RNF213: variants seen among roughly 807,000 people sequenced by gnomAD.
RNF213 encodes the protein E3 ubiquitin-protein ligase RNF213.
Under a neutral mutation model 514.4 loss-of-function variants are expected in RNF213, and 341 were observed. That is an observed-to-expected ratio of 0.66 (90% CI 0.61 to 0.73). RNF213 has a LOEUF of 0.73. RNF213 is among the 30% of genes least tolerant of loss of function. The pLI is 0.00. For missense variants in RNF213, 5,767 were observed against 6,615.6 expected (o/e 0.87, Z 4.45); for synonymous variants, 2,655 against 2,658.2 (o/e 1.00, Z 0.04).
At chr17:80,297,189 C>T (rs978927439) in intron 10 of RNF213, among the ~76,000 whole-genome samples, 17 of 151,936 alleles carry the variant, frequency 1.1e-4, no homozygotes, top group African/African-American at 3.6e-4. Flanking sequence ...CGGTGGCTCA[C>T]GCCTGTAATC....
chr17:80,264,863 C>T lies in RNF213; in HGVS notation c.97+1085C>T, dbSNP rs2043553430. On this transcript the variant is annotated intron_variant, in intron 2 of 67. Transcript: ENST00000582970. This position sits in a 1 kb window ranked among gnomAD's most constrained non-coding sequence, Gnocchi z 5.0. ...CTCTCCTGTCCCCAGAGCCCACCAC[C>T]TTCTGGCCCTTCCTGGATACACCAG... Among the ~76,000 whole-genome samples the T allele has an allele frequency of 6.6e-6, 1 of 152,100 alleles. No homozygotes were observed. The highest frequency in any genetic ancestry group is 2.4e-5 in the African/African-American group (1 of 41,422).
In RNF213 at chr17:80,347,974, C is replaced by A. The variant is rs573898137; in HGVS notation, c.9639C>A (p.Ser3213Arg). The change falls in exon 29 of 68, where the codon AGC becomes AGA. Residue 3213 changes from serine (S) to arginine (R), a missense_variant. Ser to Arg is a moderately radical substitution (Grantham distance 110). Transcript: ENST00000582970. The surrounding 1 kb of genome is among the most constrained non-coding windows in gnomAD (Gnocchi z 7.2). ...AHHFQKRHKY[S>R]PSDVFIGYHS... ...ATTTCCAGAAGAGGCACAAATACAG[C>A]CCCTCTGACGTCTTCATCGGCTACC... 2.5e-6 allele frequency: 4 copies of A among 1,614,068 alleles called. No individual in the cohort carries two copies. In the African/African-American group the frequency reaches 5.3e-5, roughly 22 times the overall value.
At chr17:80,333,215 A>AT (rs2046466096) in intron 21 of RNF213, among the ~76,000 whole-genome samples, 1 of 116,268 alleles carries the variant, frequency 8.6e-6, no homozygotes, top group African/African-American at 3.4e-5. Flanking sequence ...CGCCCGGCTA[A>AT]TTTTTTTGGT....
chr17:80,359,114 G>T (rs8072622), intron 37 of RNF213, among the ~76,000 whole-genome samples: 108,901 of 151,892 alleles, frequency 0.72, 39,651 homozygotes, highest in African/African-American at 0.82. Context: ...CTGGTGGAGC[G>T]GCACAGCCCC....
At chr17:80,329,972 G>T (rs2046370736) in intron 20 of RNF213, among the ~76,000 whole-genome samples, 1 of 152,062 alleles carries the variant, frequency 6.6e-6, no homozygotes, top group Non-Finnish European at 1.5e-5. Flanking sequence ...CTGTTAATTG[G>T]ATATGGGACC....
chr17:80,333,958 A>G, intron 21 of RNF213, 147 bp from the exon 22 acceptor site: 1 of 806,242 alleles, frequency 1.2e-6, no homozygotes, highest in Non-Finnish European at 2.0e-6. Flanking sequence ...ATTCAGGGGT[A>G]AGAGCTTGGT....
At chr17:80,375,551 A>G (rs1019323270) in intron 50 of RNF213, among the ~76,000 whole-genome samples, 3 of 151,158 alleles carry the variant, frequency 2.0e-5, no homozygotes, top group Non-Finnish European at 4.4e-5. Flanking sequence ...AGAAAAAAAA[A>G]AAGAATTAGC....
At position 80,360,130 on chromosome 17, in the gene RNF213, C is replaced by T. The variant is rs115067038; in HGVS notation, c.11124C>T (p.Asn3708=). Residue 3708 remains asparagine, a synonymous_variant, in exon 38 of 68, where the codon AAC becomes AAT. Coordinates refer to ENST00000582970, the MANE Select transcript of RNF213 (RefSeq NM_001256071.3). ...HMNLSENASN[N]VPFSWKIKDY... ...ACCTTTCCGAGAACGCTTCCAACAA[C>T]GTCCCTTTCAGCTGGAAAATCAAGG... 1.4e-3 allele frequency: 2,252 copies of T among 1,614,084 alleles called. 27 individuals carry two copies. In the African/African-American group the frequency reaches 0.026, roughly 19 times the overall value.
intron 52 of RNF213, 140 bp downstream of exon 52, chr17:80,376,683 G>T: frequency 7.7e-7 from 1 of 1,306,418 alleles, no homozygotes. Context: ...CCTGATTCTT[G>T]AGCACACAAG....
At position 80,389,164 on chromosome 17, in the gene RNF213, A is replaced by C; in HGVS notation, c.15001-9A>C. 1 of 1,613,702 alleles carries C rather than the reference A, an allele frequency of 6.2e-7. No individual in the cohort carries two copies. Among genetic ancestry groups the C allele is most frequent in the Non-Finnish European group, 8.5e-7 (1 of 1,179,724 alleles). On this transcript the variant is annotated splice_polypyrimidine_tract_variant and intron_variant, in intron 64 of 67. Coordinates refer to ENST00000582970, the MANE Select transcript of RNF213 (RefSeq NM_001256071.3). ...CACAGACATCCCTCTCCTGCTTTTC[A>C]TTTCCCAGGACTCCCTCCCCAGCTC...
chr17:80,374,710 CTG>C (rs766326168), intron 50 of RNF213, 121 bp downstream of exon 50: 5 of 1,236,334 alleles, frequency 4.0e-6, no homozygotes, highest in South Asian at 1.3e-5. Context: ...TCACGTGACA[CTG>C]TATTGGAAGT....
chr17:80,329,531 A>T (rs1203817147), intron 20 of RNF213, among the ~76,000 whole-genome samples: 1 of 152,156 alleles, frequency 6.6e-6, no homozygotes, highest in Non-Finnish European at 1.5e-5. Flanking sequence ...CTTGGCCTGG[A>T]TCTATGTTCC....
intron 31 of RNF213, among the ~76,000 whole-genome samples, 184 bp from the exon 32 acceptor site, chr17:80,351,501 A>C (rs1327661263): frequency 6.6e-6 from 1 of 152,222 alleles, no homozygotes; most frequent in African/African-American, 2.4e-5. Context: ...CTTGTGAGAG[A>C]AGAAATCACG....
In RNF213 at chr17:80,380,983, C is replaced by G. The variant is rs768473191; in HGVS notation, c.13793C>G (p.Ser4598Cys). The change falls in exon 56 of 68, where the codon TCC becomes TGC. Residue 4598 changes from serine (S) to cysteine (C), a missense_variant. By Grantham distance (112) the Ser-to-Cys change is moderately radical (BLOSUM62 -1). Around this residue, in one of 13 missense-constraint regions of RNF213, gnomAD observed 1,245 missense variants for 1,339.0 expected, o/e 0.93. Transcript: ENST00000582970. ...LALLLGASQS[S>C]QALINIIKPP... is the part of the protein sequence containing the mutation. The stretch of plus-strand genomic sequence containing the variant: ...CTGCTTCTGGGAGCGTCCCAGAGTT[C>G]CCAGGTATAACCCAGTGCTGCCAAA... The G allele has an allele frequency of 1.2e-6, 2 of 1,614,156 alleles. No individual in the cohort carries two copies. The highest frequency in any genetic ancestry group is 8.5e-7 in the Non-Finnish European group (1 of 1,180,018).
chr17:80,309,498 C>T (rs1453485860), intron 14 of RNF213, among the ~76,000 whole-genome samples: 1 of 152,144 alleles, frequency 6.6e-6, no homozygotes, highest in African/African-American at 2.4e-5. Flanking sequence ...GCGGAGAAGA[C>T]GACTTTTCTT....
chr17:80,275,134 GGT>G (rs200834610), intron 3 of RNF213, among the ~76,000 whole-genome samples: 8,588 of 143,464 alleles, frequency 0.06, 922 homozygotes, highest in African/African-American at 0.21. Context: ...GTGTGTGAGT[GGT>G]GTGTGTGTGT....
chr17:80,286,384 G>A (rs1253795900), intron 3 of RNF213, among the ~76,000 whole-genome samples: 26 of 152,146 alleles, frequency 1.7e-4, no homozygotes, highest in Admixed American at 1.7e-3. Flanking sequence ...CCTGGTTCTG[G>A]CAGGAAGTGT....
intron 21 of RNF213, chr17:80,333,870 C>T (rs1248929658): frequency 1.8e-6 from 1 of 541,358 alleles, no homozygotes; most frequent in East Asian, 3.2e-5. Context: ...TATTAAAATG[C>T]TTAGCAGAAT....
At chr17:80,267,824 CT>C (rs71163943) in intron 2 of RNF213, among the ~76,000 whole-genome samples, 65 of 144,880 alleles carry the variant, frequency 4.5e-4, no homozygotes, top group Non-Finnish European at 3.9e-4. Context: ...ATTTTCTTTT[CT>C]TTTTTTTTTT....
Sources: allele counts gnomAD v4.1 joint callset (sites outside exome capture counted in the v4.1 genomes callset), GRCh38; gene constraint gnomAD v4.1.1; regional missense constraint gnomAD v4.1.1; non-coding constraint Gnocchi (gnomAD v3.1); transcripts MANE v1.5; gene names NCBI Gene and HGNC (gene_info 2026-07-23, HGNC 2026-07-21).